Variants in PCDH15 observed in about 807,000 individuals in gnomAD.
PCDH15 encodes the protein protocadherin-15.
Under a neutral mutation model 178.5 loss-of-function variants are expected in PCDH15, and 129 were observed. The observed-to-expected ratio is 0.72, with a 90% CI of 0.63 to 0.84. The LOEUF is 0.84. Ranked by LOEUF, PCDH15 falls within the 40% of genes least tolerant of loss-of-function variation. The probability of loss-of-function intolerance (pLI) is 0.00; values close to 1 mark genes in which losing one functional copy is unlikely to be tolerated. For missense variants in PCDH15, 2,230 were observed against 2,099.9 expected, an observed-to-expected ratio of 1.06 and a Z score of -1.21; for synonymous variants, 800 against 732.0, an observed-to-expected ratio of 1.09 and a Z score of -1.50.
chr10:54,640,413 C>G (rs989830290), intron 2 of PCDH15, among the ~76,000 whole-genome samples: 2 of 151,316 alleles, frequency 1.3e-5, no homozygotes, highest in South Asian at 2.1e-4. Flanking sequence ...TAATACTTTT[C>G]TATTTGTTAA....
At chr10:55,507,778 C>T (rs10825533) in intron 2 of PCDH15, among the ~76,000 whole-genome samples, 63,442 of 151,212 alleles carry the variant, frequency 0.42, 13,974 homozygotes, top group East Asian at 0.81. Flanking sequence ...AGCTTAGTCA[C>T]AGAAAAGATA....
intron 2 of PCDH15, among the ~76,000 whole-genome samples, chr10:55,529,300 C>T (rs1841389692): frequency 6.6e-6 from 1 of 151,966 alleles, no homozygotes. Context: ...GAAGTCTTTG[C>T]CCATGCCTAT....
Position 55,503,025 on chromosome 10 carries a change from T to C in PCDH15, c.-156+124600A>G, listed in dbSNP as rs1471688003. Among the ~76,000 whole-genome samples the C allele has an allele frequency of 1.3e-4, 19 of 151,580 alleles. No homozygotes were observed. In the Admixed American group the frequency reaches 1.3e-3, roughly 10 times the overall value. On this transcript the variant is annotated intron_variant, in intron 2 of 5. Coordinates refer to the PCDH15 transcript ENST00000613346. Reference sequence around the variant, plus strand: ...GCAAAACAACATATATTTTCCTAAATTATACAGATTAACTCATTCATTAGT... The same window carrying C: ...GCAAAACAACATATATTTTCCTAAACTATACAGATTAACTCATTCATTAGT...
In PCDH15 at chr10:55,403,398, TTTC is replaced by T. The variant is rs144406914; in HGVS notation, c.-156+224224_-156+224226del. Among the ~76,000 whole-genome samples, 1,136 of 151,992 alleles carry T rather than the reference TTTC, an allele frequency of 7.5e-3. 13 individuals are homozygous for T. The highest frequency in any genetic ancestry group is 0.024 in the African/African-American group (1,014 of 41,522). ...TTAATATAGTACCATTTGCCTTTTT[TTTC>T]TTTTTATTACCTGTTTATTTGAAGT... On this transcript the variant is annotated intron_variant, in intron 2 of 5. Coordinates refer to the PCDH15 transcript ENST00000613346.
intron 28 of PCDH15, among the ~76,000 whole-genome samples, chr10:53,846,049 C>CAAAAAA (rs1554829223): frequency 6.7e-6 from 1 of 150,280 alleles, no homozygotes; most frequent in African/African-American, 2.4e-5. Flanking sequence ...CACACACACA[C>CAAAAAA]AAACAAAAAA....
At chr10:55,445,413 T>G (rs1839293655) in intron 2 of PCDH15, among the ~76,000 whole-genome samples, 2 of 152,144 alleles carry the variant, frequency 1.3e-5, no homozygotes, top group African/African-American at 4.8e-5. Context: ...CAACCTTGTT[T>G]GTATTCTGAC....
rs559180309 is a variant in PCDH15, at chr10:54,923,433, T to G, written c.-79-25933A>C. Among the ~76,000 whole-genome samples, 19 of 138,984 alleles carry G rather than the reference T, an allele frequency of 1.4e-4. 1 individual carries two copies. The highest frequency in any genetic ancestry group is 4.9e-4 in the Admixed American group (7 of 14,258). 91.2% of individuals were successfully genotyped at this position (138,984 alleles called of 152,430 possible). On this transcript the variant is annotated intron_variant, in intron 2 of 5. Transcript: ENST00000458638. Reference sequence around the variant, plus strand: ...GCAGCAGGCTTGAATTTCTCTCCAGTAAATGGGGTTTTCTTTTCTACCACA... The same window carrying G: ...GCAGCAGGCTTGAATTTCTCTCCAGGAAATGGGGTTTTCTTTTCTACCACA...
chr10:54,542,661 A>G (rs1450837088), intron 2 of PCDH15, among the ~76,000 whole-genome samples: 1 of 152,202 alleles, frequency 6.6e-6, no homozygotes, highest in Non-Finnish European at 1.5e-5. Flanking sequence ...AATGTTTCAT[A>G]TAGAACAGGA....
chr10:54,514,416 A>C (rs2082006166), intron 3 of PCDH15, among the ~76,000 whole-genome samples: 2 of 152,124 alleles, frequency 1.3e-5, no homozygotes, highest in South Asian at 4.1e-4. Context: ...GATTATGTGA[A>C]AGGATAATAA....
At chr10:55,250,245 G>A (rs978002544) in intron 1 of PCDH15, among the ~76,000 whole-genome samples, 1 of 152,038 alleles carries the variant, frequency 6.6e-6, no homozygotes, top group Non-Finnish European at 1.5e-5. Context: ...CCAGGCCCAA[G>A]TGATCCTCCC....
At chr10:54,981,899 C>T (rs1839241573) in intron 2 of PCDH15, among the ~76,000 whole-genome samples, 1 of 151,948 alleles carries the variant, frequency 6.6e-6, no homozygotes, top group Non-Finnish European at 1.5e-5. Flanking sequence ...CCACAGCCTC[C>T]TGAGTAGCTA....
intron 2 of PCDH15, among the ~76,000 whole-genome samples, chr10:54,631,771 G>A (rs1331309314): frequency 6.6e-6 from 1 of 152,088 alleles, no homozygotes; most frequent in Non-Finnish European, 1.5e-5. Flanking sequence ...TATGGTAGAA[G>A]ACAAATGGGA....
At chr10:55,587,770 A>G (rs1842754924) in intron 2 of PCDH15, among the ~76,000 whole-genome samples, 1 of 152,170 alleles carries the variant, frequency 6.6e-6, no homozygotes, top group South Asian at 2.1e-4. Context: ...CACTATTTTA[A>G]GTGTTTTCCT....
At chr10:54,158,090 G>A (rs1370565391) in intron 13 of PCDH15, among the ~76,000 whole-genome samples, 2 of 152,048 alleles carry the variant, frequency 1.3e-5, no homozygotes. Flanking sequence ...ACTCCAGACT[G>A]CTCCAACCTC....
intron 2 of PCDH15, among the ~76,000 whole-genome samples, chr10:55,442,184 A>G (rs1839202804): frequency 6.6e-6 from 1 of 152,014 alleles, no homozygotes; most frequent in South Asian, 2.1e-4. Flanking sequence ...GAAAGAAAAG[A>G]GAACTGCAGA....
chr10:55,218,903 G>A (rs1564902802), intron 1 of PCDH15, among the ~76,000 whole-genome samples: 1 of 152,016 alleles, frequency 6.6e-6, no homozygotes, highest in Non-Finnish European at 1.5e-5. Flanking sequence ...AAATCATTTT[G>A]TATTTTTCAT....
At chr10:54,137,108 T>C (rs2042973771) in intron 14 of PCDH15, among the ~76,000 whole-genome samples, 1 of 152,208 alleles carries the variant, frequency 6.6e-6, no homozygotes, top group African/African-American at 2.4e-5. Context: ...TAATAGTATT[T>C]ATGCTGTAAT....
At chr10:55,250,438 C>A (rs1449280813) in intron 1 of PCDH15, among the ~76,000 whole-genome samples, 1 of 150,606 alleles carries the variant, frequency 6.6e-6, no homozygotes, top group African/African-American at 2.4e-5. Context: ...TGAGACACTG[C>A]ACCCAATCAT....
intron 25 of PCDH15, among the ~76,000 whole-genome samples, chr10:53,918,713 A>AACACACAC (rs5741702): frequency 1.4e-5 from 2 of 146,970 alleles, no homozygotes; most frequent in African/African-American, 2.5e-5. Flanking sequence ...CAAATACACA[A>AACACACAC]ACACACACAC....
Sources: gnomAD v4.1 joint callset for allele counts (sites outside exome capture counted in the v4.1 genomes callset) on GRCh38, gnomAD v4.1.1 for gene constraint, MANE v1.5 for transcripts, NCBI Gene and HGNC (gene_info 2026-07-23, HGNC 2026-07-21) for gene names.